Variants in LAMA2 observed in about 807,000 individuals in gnomAD.
LAMA2 encodes the protein laminin subunit alpha 2.
Under a neutral mutation model 364.8 loss-of-function variants are expected in LAMA2, and 269 were observed. The ratio of observed to expected loss-of-function variants is 0.74; its 90% CI spans 0.67 to 0.82. The LOEUF is 0.82. Among genes scored for constraint, LAMA2 ranks in the 40% least tolerant of loss-of-function variants. The pLI is 0.00. For synonymous variants in LAMA2, 1,379 were observed against 1,370.6 expected, an observed-to-expected ratio of 1.01 and a Z score of -0.14; for missense variants, 3,807 against 3,873.2, an observed-to-expected ratio of 0.98 and a Z score of 0.45.
rs201463185 is a variant in LAMA2 at position 129,196,091 on chromosome 6, TGCTTA to T, written c.1782+3239_1782+3243del. 5.2e-3 allele frequency among the ~76,000 whole-genome samples: 797 copies of T among 152,344 alleles called. 8 individuals carry two copies. Among genetic ancestry groups the T allele is most frequent in the African/African-American group, 0.017 (724 of 41,578 alleles). On this transcript the variant is annotated intron_variant, in intron 12 of 64. Transcript: ENST00000421865. ...ATGTGATTTGTTCTTTACCAAAACC[TGCTTA>T]TTTTCTACAGCATTATGCTATCTTT...
rs1583133522 is a variant in LAMA2, at chr6:129,147,062, TAGG to T, written c.909+16_909+18del. 2.7e-6 allele frequency: 4 copies of T among 1,504,154 alleles called. No individual in the cohort carries two copies. The highest frequency in any genetic ancestry group is 3.7e-6 in the Non-Finnish European group (4 of 1,079,934). 93.2% of individuals were successfully genotyped at this position (1,504,154 alleles called of 1,614,324 possible). A position where few individuals can be genotyped will look rare whatever the true frequency, so the allele number is the denominator to read the frequency against. On this transcript the variant is annotated intron_variant, in intron 6 of 64. Transcript: ENST00000421865. The stretch of plus-strand genomic sequence containing the variant: ...CCAGCGACAAATGTATGTATATTTA[TAGG>T]ATGCTTAGGCAAAATGAAGCCCTGA...
In LAMA2 at chr6:129,320,572, G is replaced by A; in HGVS notation, c.4093G>A (p.Gly1365Arg). Residue 1365 changes from glycine to arginine, a missense_variant, in exon 28 of 65, where the codon GGA (glycine) becomes AGA (arginine). This residue lies in a region of LAMA2 where 3,333 missense variants were observed against 3,345.7 expected (regional missense o/e 1.00). Transcript: ENST00000421865. ...AATCTCAATGGAGGTAGCTGAACAA[G>A]GACGTGGAACAACAATGACTCCTCC... ...SEISMEVAEQ[G>R]RGTTMTPPAD... 6.2e-7 allele frequency: 1 copy of A among 1,612,918 alleles called. No individual in the cohort carries two copies.
chr6:128,910,820 G>A (rs1229962928), intron 1 of LAMA2, among the ~76,000 whole-genome samples: 1 of 149,608 alleles, frequency 6.7e-6, no homozygotes, highest in Non-Finnish European at 1.5e-5. Flanking sequence ...TTCTTGGTGT[G>A]GATGTCCTTT....
chr6:129,093,788 T>G (rs1255353303), intron 3 of LAMA2, among the ~76,000 whole-genome samples: 1 of 152,256 alleles, frequency 6.6e-6, no homozygotes, highest in African/African-American at 2.4e-5. Context: ...CACTTGATAT[T>G]GTTTTTAAAG....
chr6:129,366,060 A>G (rs1777756001), intron 32 of LAMA2, among the ~76,000 whole-genome samples, 159 bp from the exon 33 acceptor site: 1 of 152,088 alleles, frequency 6.6e-6, no homozygotes, highest in Non-Finnish European at 1.5e-5. Context: ...ATCTTTCCTC[A>G]ACCATCATCC....
At chr6:129,410,713 AT>A (rs759656825) in intron 40 of LAMA2, among the ~76,000 whole-genome samples, 42 of 107,100 alleles carry the variant, frequency 3.9e-4, no homozygotes, top group African/African-American at 1.2e-3. Context: ...TGATAGACAG[AT>A]TAGATAGATA....
chr6:129,360,352 G>T (rs1777391613), intron 32 of LAMA2, among the ~76,000 whole-genome samples: 1 of 152,026 alleles, frequency 6.6e-6, no homozygotes, highest in East Asian at 1.9e-4. Flanking sequence ...CAGACACTTT[G>T]GACTTTTTGA....
intron 29 of LAMA2, among the ~76,000 whole-genome samples, chr6:129,334,300 G>A (rs948896077): frequency 5.9e-5 from 9 of 152,182 alleles, no homozygotes; most frequent in Non-Finnish European, 1.0e-4. Context: ...TACTGGTAGT[G>A]TGAGCCTACT....
chr6:129,479,987 A>AGAT (rs1459039460), intron 54 of LAMA2: 1 of 152,084 alleles, frequency 6.6e-6, no homozygotes, highest in Non-Finnish European at 1.5e-5. Flanking sequence ...CACATTCAAA[A>AGAT]GATATATACA....
At chr6:129,315,426 A>C (rs370971186) in intron 24 of LAMA2, 50 bp from the exon 25 acceptor site, 7 of 1,540,578 alleles carry the variant, frequency 4.5e-6, no homozygotes, top group African/African-American at 4.1e-5. Context: ...GTTTTAAAGA[A>C]ATGTCCAAAG....
chr6:129,451,811 A>T (rs971249969), intron 45 of LAMA2, among the ~76,000 whole-genome samples: 1 of 152,148 alleles, frequency 6.6e-6, no homozygotes, highest in Admixed American at 6.5e-5. Flanking sequence ...ACTCAAACAC[A>T]AATGAGGCTC....
intron 1 of LAMA2, among the ~76,000 whole-genome samples, chr6:128,954,692 A>T (rs1025292903): frequency 6.6e-6 from 1 of 152,030 alleles, no homozygotes; most frequent in African/African-American, 2.4e-5. Flanking sequence ...AGTACAACAG[A>T]TAAGTAAGCC....
At chr6:129,270,823 A>G (rs576078186) in intron 17 of LAMA2, 72 bp downstream of exon 17, 4 of 1,439,884 alleles carry the variant, frequency 2.8e-6, no homozygotes, top group East Asian at 2.3e-5. Flanking sequence ...TAGCAAATAT[A>G]CACTTCCTTT....
At chr6:129,323,327 C>A (rs1000069880) in intron 28 of LAMA2, among the ~76,000 whole-genome samples, 1 of 152,164 alleles carries the variant, frequency 6.6e-6, no homozygotes, top group African/African-American at 2.4e-5. Context: ...GAGACATCTG[C>A]ATCTACAGGC....
At chr6:129,200,131 T>TATAC (rs1488378266) in intron 12 of LAMA2, among the ~76,000 whole-genome samples, 1 of 139,020 alleles carries the variant, frequency 7.2e-6, no homozygotes, top group East Asian at 2.2e-4. Flanking sequence ...TGTGTATATA[T>TATAC]ATACGTGTAC....
intron 8 of LAMA2, among the ~76,000 whole-genome samples, chr6:129,163,104 T>G (rs896792633): frequency 7.9e-5 from 12 of 152,186 alleles, no homozygotes. Flanking sequence ...TAGGCTATTT[T>G]TTTTATTTTT....
chr6:129,224,781 T>G (rs547600681), intron 12 of LAMA2, among the ~76,000 whole-genome samples: 13 of 152,214 alleles, frequency 8.5e-5, no homozygotes, highest in Non-Finnish European at 1.3e-4. Context: ...TCAGGGATAT[T>G]AGTCAAAAAT....
chr6:129,152,194 TGAAG>T (rs1236926319), intron 7 of LAMA2, among the ~76,000 whole-genome samples: 1 of 152,208 alleles, frequency 6.6e-6, no homozygotes, highest in Non-Finnish European at 1.5e-5. Flanking sequence ...ACACTCATAA[TGAAG>T]GAAGTATCAA....
At chr6:129,384,600 T>C (rs1778873031) in intron 35 of LAMA2, among the ~76,000 whole-genome samples, 1 of 152,200 alleles carries the variant, frequency 6.6e-6, no homozygotes, top group Admixed American at 6.5e-5. Context: ...GTTACCTCTT[T>C]GGTCAATATG....
Sources: gnomAD v4.1 joint callset for allele counts (sites outside exome capture counted in the v4.1 genomes callset) on GRCh38, gnomAD v4.1.1 for gene constraint, gnomAD v4.1.1 regional missense constraint, MANE v1.5 for transcripts, NCBI Gene and HGNC (gene_info 2026-07-23, HGNC 2026-07-21) for gene names.